TBCK: variants seen among roughly 807,000 people sequenced by gnomAD.
The protein encoded by TBCK is TBC domain-containing protein kinase-like protein.
TBCK carries 99 observed loss-of-function variants against 113.4 expected under a neutral mutation model. The ratio of observed to expected loss-of-function variants is 0.87; its 90% CI spans 0.74 to 1.03. The LOEUF is 1.03. Among genes scored for constraint, TBCK ranks in the 50% least tolerant of loss-of-function variants. The pLI is 0.00. For synonymous variants in TBCK, 369 were observed against 370.8 expected (o/e 1.00, Z 0.05); for missense variants, 1,045 against 1,061.3 (o/e 0.98, Z 0.21).
Position 106,212,794 on chromosome 4 carries a change from G to C in TBCK, c.1816C>G (p.Pro606Ala), listed in dbSNP as rs1472000371. 2 of 1,612,382 alleles carry C rather than the reference G, an allele frequency of 1.2e-6. No individual in the cohort carries two copies. Among genetic ancestry groups the C allele is most frequent in the Non-Finnish European group, 1.7e-6 (2 of 1,179,214 alleles). The change falls in exon 20 of 26, where the codon CCA becomes GCA. Residue 606 changes from proline (P) to alanine (A), a missense_variant. Coordinates refer to ENST00000394708, the MANE Select transcript of TBCK (RefSeq NM_001163435.3). ...VFSQMIAFHD[P>A]ELSNHLNEIG... Reference sequence around the variant, plus strand: ...TCATTGAGATGATTACTCAGCTCTGGATCATGAAATGCAATCATCTGAGAG... The same window carrying C: ...TCATTGAGATGATTACTCAGCTCTGCATCATGAAATGCAATCATCTGAGAG...
At chr4:106,216,927 T>C (rs1757011180) in intron 19 of TBCK, among the ~76,000 whole-genome samples, 1 of 152,030 alleles carries the variant, frequency 6.6e-6, no homozygotes, top group African/African-American at 2.4e-5. Context: ...AAGAGAATTT[T>C]AGACCAATAT....
intron 23 of TBCK, among the ~76,000 whole-genome samples, chr4:106,145,469 A>C (rs899529967): frequency 3.9e-5 from 6 of 152,242 alleles, no homozygotes; most frequent in Admixed American, 2.6e-4. Flanking sequence ...AACACCATGT[A>C]ATTACAACAA....
At chr4:106,211,448 T>C (rs78602674) in intron 20 of TBCK, among the ~76,000 whole-genome samples, 5,693 of 152,204 alleles carry the variant, frequency 0.037, 163 homozygotes, top group Middle Eastern at 0.071. Flanking sequence ...TTATTAAATG[T>C]AGACTTTTCA....
intron 1 of TBCK, among the ~76,000 whole-genome samples, chr4:106,314,088 T>C (rs897351011): frequency 5.3e-5 from 8 of 152,306 alleles, no homozygotes; most frequent in African/African-American, 1.9e-4. Context: ...TTTTATTTTT[T>C]TTATTGGTTT....
intron 23 of TBCK, among the ~76,000 whole-genome samples, chr4:106,146,305 T>C (rs991470911): frequency 2.6e-5 from 4 of 152,204 alleles, no homozygotes; most frequent in Non-Finnish European, 5.9e-5. Context: ...GGAACATGGA[T>C]GGAGCTGAAG....
At position 106,281,257 on chromosome 4, in the gene TBCK, A is replaced by AT. The variant is rs1219216492; in HGVS notation, c.266+13836dup. On this transcript the variant is annotated intron_variant, in intron 3 of 25. Transcript: ENST00000394708. ...AAATGTTACTGATTTTTATCTTTTG[A>AT]TTTTGTATCATGCAACTTTACTGAA... Among the ~76,000 whole-genome samples, 4 of 150,014 alleles carry AT rather than the reference A, an allele frequency of 2.7e-5. No individual in the cohort carries two copies. In the East Asian group the frequency reaches 7.8e-4, roughly 29 times the overall value.
At chr4:106,300,069 A>G (rs535134289) in intron 2 of TBCK, among the ~76,000 whole-genome samples, 86 of 152,174 alleles carry the variant, frequency 5.7e-4, no homozygotes, top group Admixed American at 1.0e-3. Context: ...GTGATAATTA[A>G]TAAGTCTCAT....
chr4:106,082,306 C>T (rs56761478), intron 25 of TBCK, among the ~76,000 whole-genome samples: 6,665 of 152,134 alleles, frequency 0.044, 494 homozygotes, highest in African/African-American at 0.15. Context: ...AGCAGCTGGA[C>T]GCCATTATCC....
intron 5 of TBCK, among the ~76,000 whole-genome samples, chr4:106,254,523 T>C (rs1761777326): frequency 6.6e-6 from 1 of 152,252 alleles, no homozygotes; most frequent in Non-Finnish European, 1.5e-5. Flanking sequence ...TATCTGTTTA[T>C]GAATGAGAAG....
intron 22 of TBCK, among the ~76,000 whole-genome samples, chr4:106,188,533 A>C (rs1226384612): frequency 6.6e-6 from 1 of 152,162 alleles, no homozygotes; most frequent in Non-Finnish European, 1.5e-5. Flanking sequence ...GGACTGCTCA[A>C]AAAATTCAGA....
chr4:106,308,134 A>C (rs1031280363), intron 2 of TBCK, among the ~76,000 whole-genome samples: 1 of 152,194 alleles, frequency 6.6e-6, no homozygotes, highest in Non-Finnish European at 1.5e-5. Flanking sequence ...TCCCTGAAAA[A>C]GAAAATTAAA....
chr4:106,184,251 C>T (rs1752753551), intron 22 of TBCK, among the ~76,000 whole-genome samples: 1 of 152,038 alleles, frequency 6.6e-6, no homozygotes, highest in African/African-American at 2.4e-5. Context: ...TCACTCATTT[C>T]CTAATATGTT....
In TBCK at chr4:106,046,515, C is replaced by T; in HGVS notation, c.*55G>A. On this transcript the variant is annotated 3_prime_UTR_variant, in exon 26 of 26. Coordinates refer to ENST00000394708, the MANE Select transcript of TBCK (RefSeq NM_001163435.3). ...CTGAGAGTGGCGTGGATATGAAGAA[C>T]TGTGCTGTTGGTGCTGATGCCACAC... 2 of 928,594 alleles carry T rather than the reference C, an allele frequency of 2.2e-6. No homozygotes were observed. Among genetic ancestry groups the T allele is most frequent in the East Asian group, 2.4e-5 (1 of 41,074 alleles). 57.5% of individuals were successfully genotyped at this position (928,594 alleles called of 1,614,324 possible).
intron 2 of TBCK, among the ~76,000 whole-genome samples, chr4:106,305,337 T>C (rs548867349): frequency 6.6e-6 from 1 of 152,056 alleles, no homozygotes; most frequent in African/African-American, 2.4e-5. Flanking sequence ...CCTAGAAATA[T>C]GTCAACAATA....
chr4:106,216,984 C>A (rs1457940409), intron 19 of TBCK, among the ~76,000 whole-genome samples: 1 of 152,182 alleles, frequency 6.6e-6, no homozygotes, highest in Non-Finnish European at 1.5e-5. Flanking sequence ...TACTGCCAAA[C>A]CAAATCCAGC....
At chr4:106,240,995 T>C (rs1760045289) in intron 12 of TBCK, among the ~76,000 whole-genome samples, 1 of 152,032 alleles carries the variant, frequency 6.6e-6, no homozygotes, top group Admixed American at 6.6e-5. Flanking sequence ...CAGCTATACA[T>C]AATAGGTCAA....
chr4:106,300,925 A>T (rs544082913), intron 2 of TBCK, among the ~76,000 whole-genome samples: 100 of 152,180 alleles, frequency 6.6e-4, no homozygotes, highest in African/African-American at 2.3e-3. Flanking sequence ...ATATAGTGAG[A>T]CTCCTGTCTC....
intron 23 of TBCK, 61 bp downstream of exon 23, chr4:106,171,034 T>A (rs1750927072): frequency 3.1e-6 from 4 of 1,297,274 alleles, no homozygotes; most frequent in Admixed American, 2.5e-5. Flanking sequence ...GATACTAGGG[T>A]ATATTAATTT....
intron 2 of TBCK, among the ~76,000 whole-genome samples, chr4:106,303,376 C>T (rs1001991018): frequency 7.2e-5 from 11 of 151,960 alleles, no homozygotes; most frequent in African/African-American, 2.2e-4. Context: ...TGAAAATCTG[C>T]GAAAAACTAT....
Sources: allele counts gnomAD v4.1 joint callset (sites outside exome capture counted in the v4.1 genomes callset), GRCh38; gene constraint gnomAD v4.1.1; transcripts MANE v1.5; gene names NCBI Gene and HGNC (gene_info 2026-07-23, HGNC 2026-07-21).